The following SOX5 variants were observed in gnomAD, a reference collection of about 807,000 sequenced individuals.
The protein encoded by SOX5 is transcription factor SOX-5.
SOX5 carries 9 observed loss-of-function variants against 92.0 expected under a neutral mutation model. The observed-to-expected ratio is 0.10, with a 90% CI of 0.06 to 0.17. SOX5 has a LOEUF of 0.17. SOX5 is among the 10% of genes least tolerant of loss of function. The pLI is 1.00. For missense variants in SOX5, 642 were observed against 944.5 expected (o/e 0.68, Z 4.20); for synonymous variants, 344 against 336.3 (o/e 1.02, Z -0.25).
At chr12:24,117,582 A>G (rs1352428785) in intron 4 of SOX5, among the ~76,000 whole-genome samples, 1 of 152,216 alleles carries the variant, frequency 6.6e-6, no homozygotes, top group Non-Finnish European at 1.5e-5. Flanking sequence ...TTCATCAGCA[A>G]GTGAATGGAT....
chr12:24,042,855 C>T (rs1956651683), intron 4 of SOX5, among the ~76,000 whole-genome samples: 1 of 152,144 alleles, frequency 6.6e-6, no homozygotes, highest in South Asian at 2.1e-4. Context: ...AAATACAGTG[C>T]TGGCATTTGC....
chr12:24,346,122 C>A (rs961591790), intron 2 of SOX5, among the ~76,000 whole-genome samples: 2 of 152,222 alleles, frequency 1.3e-5, no homozygotes, highest in African/African-American at 2.4e-5. Context: ...AACTTCCAAT[C>A]TTCTAGATTC....
chr12:24,155,014 G>C (rs1488713018), intron 4 of SOX5, among the ~76,000 whole-genome samples: 1 of 152,032 alleles, frequency 6.6e-6, no homozygotes, highest in Non-Finnish European at 1.5e-5. Context: ...ATTTTCACTT[G>C]GTCCTCTAGT....
chr12:24,039,465 A>G (rs1956328069), intron 4 of SOX5, among the ~76,000 whole-genome samples: 1 of 152,200 alleles, frequency 6.6e-6, no homozygotes, highest in Non-Finnish European at 1.5e-5. Flanking sequence ...ATTGATTATA[A>G]AAACAAAAAA....
At chr12:24,009,219 T>C (rs1215321414) in intron 4 of SOX5, among the ~76,000 whole-genome samples, 2 of 152,202 alleles carry the variant, frequency 1.3e-5, no homozygotes, top group African/African-American at 2.4e-5. Flanking sequence ...CCCATCCAGT[T>C]AAACCCAATC....
intron 4 of SOX5, among the ~76,000 whole-genome samples, chr12:23,999,674 T>TA (rs1467993090): frequency 6.6e-6 from 1 of 151,990 alleles, no homozygotes; most frequent in African/African-American, 2.4e-5. Flanking sequence ...AAATTGTCTT[T>TA]AAAAAAGACA....
intron 4 of SOX5, among the ~76,000 whole-genome samples, chr12:23,978,566 A>C (rs1310432371): frequency 2.0e-5 from 3 of 152,176 alleles, no homozygotes; most frequent in Non-Finnish European, 4.4e-5. Context: ...TCGTCACAAT[A>C]CATGGTAGAA....
At chr12:24,496,430 T>G (rs1947644608) in intron 1 of SOX5, among the ~76,000 whole-genome samples, 1 of 152,186 alleles carries the variant, frequency 6.6e-6, no homozygotes, top group African/African-American at 2.4e-5. Context: ...AAATTCTTCC[T>G]TAGCATCCCC....
chr12:24,435,043 A>G, intron 1 of SOX5, among the ~76,000 whole-genome samples: 1 of 152,228 alleles, frequency 6.6e-6, no homozygotes, highest in Non-Finnish European at 1.5e-5. Flanking sequence ...TTGACTGAAA[A>G]CAACCACTTC....
At chr12:23,886,114 C>T (rs2097061334) in intron 2 of SOX5, among the ~76,000 whole-genome samples, 2 of 152,084 alleles carry the variant, frequency 1.3e-5, no homozygotes, top group Admixed American at 6.5e-5. Context: ...CTTGAAAATG[C>T]TCCCACTCAT....
intron 1 of SOX5, among the ~76,000 whole-genome samples, chr12:23,921,313 G>T (rs1001907280): frequency 6.6e-6 from 1 of 151,530 alleles, no homozygotes; most frequent in Non-Finnish European, 1.5e-5. Flanking sequence ...CACAATGTAC[G>T]CCCTATGAAA....
intron 2 of SOX5, among the ~76,000 whole-genome samples, chr12:24,317,262 A>G (rs1949780855): frequency 6.6e-6 from 1 of 152,250 alleles, no homozygotes; most frequent in South Asian, 2.1e-4. Context: ...GGATGAAAAG[A>G]TTCAGTTATC....
At chr12:23,977,348 A>G (rs1949030298) in intron 4 of SOX5, among the ~76,000 whole-genome samples, 1 of 152,168 alleles carries the variant, frequency 6.6e-6, no homozygotes, top group African/African-American at 2.4e-5. Context: ...ATGGGACTGA[A>G]GTCTGAGGAA....
intron 1 of SOX5, among the ~76,000 whole-genome samples, chr12:24,455,322 A>T (rs548143832): frequency 6.6e-6 from 1 of 152,304 alleles, no homozygotes; most frequent in South Asian, 2.1e-4. Flanking sequence ...AAAGTTCCAA[A>T]GTGGCTGATT....
intron 1 of SOX5, among the ~76,000 whole-genome samples, chr12:24,558,583 T>G (rs1954038621): frequency 1.3e-5 from 2 of 152,230 alleles, no homozygotes; most frequent in Non-Finnish European, 1.5e-5. Context: ...TTCATTATAT[T>G]TAAGCAAAAG....
chr12:23,736,419 T>C (rs2093596693), intron 5 of SOX5, among the ~76,000 whole-genome samples: 3 of 151,764 alleles, frequency 2.0e-5, no homozygotes, highest in African/African-American at 4.8e-5. Flanking sequence ...CCAAGATCGC[T>C]CCACTGCACT....
rs139263602 is a variant in SOX5, at chr12:23,663,145, G to A, written c.931+2299C>T. 5.9e-3 allele frequency among the ~76,000 whole-genome samples: 892 copies of A among 152,236 alleles called. 4 individuals carry two copies. Among genetic ancestry groups the A allele is most frequent in the South Asian group, 0.014 (70 of 4,832 alleles). ...CATTCAAACTGAGTCAAAACGCCAG[G>A]GGTCAATGAGGGTGGCAGTTCCTTT... On this transcript the variant is annotated intron_variant, in intron 7 of 14. Transcript: ENST00000451604.
intron 4 of SOX5, among the ~76,000 whole-genome samples, chr12:24,161,541 AT>A (rs2138990776): frequency 6.6e-6 from 1 of 152,218 alleles, no homozygotes; most frequent in East Asian, 1.9e-4. Flanking sequence ...CTAAATAATA[AT>A]AGTTGGATAG....
chr12:24,499,756 T>C (rs1399211442), intron 1 of SOX5, among the ~76,000 whole-genome samples: 7 of 67,668 alleles, frequency 1.0e-4, no homozygotes, highest in Non-Finnish European at 1.7e-4. Context: ...AAATCTGCCT[T>C]TTTTTTTTTT....
Sources: gnomAD v4.1 joint callset for allele counts (sites outside exome capture counted in the v4.1 genomes callset) on GRCh38, gnomAD v4.1.1 for gene constraint, MANE v1.5 for transcripts, NCBI Gene and HGNC (gene_info 2026-07-23, HGNC 2026-07-21) for gene names.